The following FBXO22 variants were observed in gnomAD, a reference collection of about 807,000 sequenced individuals.
FBXO22 encodes the protein F-box protein 22.
In FBXO22, 13 loss-of-function variants were observed where a neutral mutation model predicts 37.2. The observed-to-expected ratio is 0.35, with a 90% CI of 0.23 to 0.56. The LOEUF (loss-of-function observed/expected upper bound fraction) is 0.56. FBXO22 is among the 20% of genes least tolerant of loss of function. FBXO22 has a pLI of 0.87. For synonymous variants in FBXO22, 189 were observed against 189.1 expected (o/e 1.00, Z 0.00); for missense variants, 446 against 509.9 (o/e 0.87, Z 1.21).
intron 4 of FBXO22, among the ~76,000 whole-genome samples, chr15:75,915,899 C>CA (rs1177802395): frequency 1.1e-3 from 117 of 109,270 alleles, no homozygotes; most frequent in East Asian, 1.1e-3. Context: ...GACTCTGTCT[C>CA]AAAAAAAAAA....
chr15:75,921,172 A>T (rs554682449), intron 5 of FBXO22, among the ~76,000 whole-genome samples: 3 of 152,336 alleles, frequency 2.0e-5, no homozygotes, highest in Admixed American at 6.5e-5. Context: ...ATATCTAAAC[A>T]TTAAAAAGGT....
rs1163715800 is a variant in FBXO22, at chr15:75,938,200, A to G, written c.*5098A>G. The G allele has an allele frequency of 6.6e-6, 1 of 152,230 alleles. No homozygotes were observed. Among genetic ancestry groups the G allele is most frequent in the Admixed American group, 6.5e-5 (1 of 15,282 alleles). 9.4% of individuals were successfully genotyped at this position (152,230 alleles called of 1,614,324 possible). A position where few individuals can be genotyped will look rare whatever the true frequency, so the allele number is the denominator to read the frequency against. On this transcript the variant is annotated 3_prime_UTR_variant, in exon 7 of 7. Transcript: ENST00000308275. Reference sequence around the variant, plus strand: ...TGAACGTGACATAAAAGGAAGAGAGACTTCAGTGATCACACACAGAAGGAA... The same window carrying G: ...TGAACGTGACATAAAAGGAAGAGAGGCTTCAGTGATCACACACAGAAGGAA...
At position 75,932,947 on chromosome 15, in the gene FBXO22, C is replaced by G; in HGVS notation, c.1057C>G (p.Pro353Ala). The G allele has an allele frequency of 6.2e-7, 1 of 1,614,170 alleles. No individual in the cohort carries two copies. The highest frequency in any genetic ancestry group is 8.5e-7 in the Non-Finnish European group (1 of 1,180,028). Residue 353 changes from proline (P) to alanine (A), a missense_variant, in exon 7 of 7, where the codon CCC (proline) becomes GCC (alanine). Coordinates refer to ENST00000308275, the MANE Select transcript of FBXO22 (RefSeq NM_147188.3). Reference sequence around the variant, plus strand: ...ATTTAGAAAGTTTTTTCCTAGTGTTCCCTTATTCGGCTTCTTTGGAAATGG... The same window carrying G: ...ATTTAGAAAGTTTTTTCCTAGTGTTGCCTTATTCGGCTTCTTTGGAAATGG... ...DAFRKFFPSV[P>A]LFGFFGNGEI...
rs1009554406 is a variant in FBXO22 at position 75,939,271 on chromosome 15, C to G, written c.*6169C>G. The G allele has an allele frequency of 6.6e-6, 1 of 151,914 alleles. No homozygotes were observed. Among genetic ancestry groups the G allele is most frequent in the Non-Finnish European group, 1.5e-5 (1 of 67,950 alleles). 9.4% of individuals were successfully genotyped at this position (151,914 alleles called of 1,614,324 possible). A position where few individuals can be genotyped will look rare whatever the true frequency, so the allele number is the denominator to read the frequency against. On this transcript the variant is annotated 3_prime_UTR_variant, in exon 7 of 7. Transcript: ENST00000308275. ...GAAAATGGGAACAGCACTCTAGATT[C>G]TAGAAAAATGAAAAGGGTTATAGAA...
Position 75,930,657 on chromosome 15 carries a change from G to C in FBXO22, c.794+608G>C, listed in dbSNP as rs139127277. Reference sequence around the variant, plus strand: ...CAAAGATAAAAATATTTGCTCTTCTGTCTTGGGAGCCATTACTTCCTTTCC... The same window carrying C: ...CAAAGATAAAAATATTTGCTCTTCTCTCTTGGGAGCCATTACTTCCTTTCC... On this transcript the variant is annotated intron_variant, in intron 6 of 6. Coordinates refer to ENST00000308275, the MANE Select transcript of FBXO22 (RefSeq NM_147188.3). 3.7e-4 allele frequency: 364 copies of C among 985,390 alleles called. 3 individuals carry two copies. In the African/African-American group the frequency reaches 5.8e-3, roughly 16 times the overall value. 61.0% of individuals were successfully genotyped at this position (985,390 alleles called of 1,614,324 possible).
At position 75,904,077 on chromosome 15, in the gene FBXO22, C is replaced by A; in HGVS notation, c.114C>A (p.Pro38=). 2 of 1,548,826 alleles carry A rather than the reference C, an allele frequency of 1.3e-6. No individual in the cohort carries two copies. The highest frequency in any genetic ancestry group is 1.7e-6 in the Non-Finnish European group (2 of 1,144,872). ...TGGAGCGTGTGCTCACCTTCCTGCC[C>A]GCCAAGGCGTTGCTGCGGGTGGCCT... ...EVVERVLTFL[P]AKALLRVACV... is the part of the protein sequence containing the mutation. The change falls in exon 1 of 7, where the codon CCC becomes CCA. Residue 38 remains proline, a synonymous_variant. Coordinates refer to ENST00000308275, the MANE Select transcript of FBXO22 (RefSeq NM_147188.3).
chr15:75,904,228 C>T (rs895398062), intron 1 of FBXO22, 125 bp downstream of exon 1: 2 of 1,320,266 alleles, frequency 1.5e-6, no homozygotes, highest in African/African-American at 3.0e-5. Context: ...GCTCGCCCTA[C>T]CTGAGGTGAC....
rs767105229 is a variant in FBXO22, at chr15:75,917,309, A to C, written c.543A>C (p.Gln181His). Reference sequence around the variant, plus strand: ...CTGGTTTTGCTTTATTATTCCCTCAAATTGAAGGAATAAAAATACAACCCT... The same window carrying C: ...CTGGTTTTGCTTTATTATTCCCTCACATTGAAGGAATAAAAATACAACCCT... Reference protein sequence around the residue: ...GESGFALLFPQIEGIKIQPFH... With the variant: ...GESGFALLFPHIEGIKIQPFH... Residue 181 changes from glutamine (Q) to histidine (H), a missense_variant, in exon 5 of 7, where the codon CAA (glutamine) becomes CAC (histidine). Physicochemically the swap from Gln to His is conservative, Grantham distance 24 (BLOSUM62 0). Around this residue, in one of 2 missense-constraint regions of FBXO22, gnomAD observed 315 missense variants for 410.1 expected, o/e 0.77. Coordinates refer to ENST00000308275, the MANE Select transcript of FBXO22 (RefSeq NM_147188.3). The C allele has an allele frequency of 6.8e-6, 11 of 1,610,680 alleles. No individual in the cohort carries two copies. In the South Asian group the frequency reaches 1.2e-4, roughly 18 times the overall value.
intron 5 of FBXO22, among the ~76,000 whole-genome samples, chr15:75,921,428 C>T (rs1900320418): frequency 1.3e-5 from 2 of 152,186 alleles, no homozygotes; most frequent in East Asian, 1.9e-4. Flanking sequence ...TTGGGAGGTC[C>T]GAGGTAGGTG....
chr15:75,914,001 C>G, intron 3 of FBXO22, 109 bp from the exon 4 acceptor site: 8 of 727,194 alleles, frequency 1.1e-5, no homozygotes, highest in Non-Finnish European at 1.8e-5. Context: ...TTAGAGCATT[C>G]TCGTGTTAAA....
At chr15:75,932,512 A>G (rs147206411) in intron 6 of FBXO22, among the ~76,000 whole-genome samples, 173 bp from the exon 7 acceptor site, 1 of 152,204 alleles carries the variant, frequency 6.6e-6, no homozygotes, top group Non-Finnish European at 1.5e-5. Flanking sequence ...TGCATTTTTT[A>G]TGTATTAATT....
intron 5 of FBXO22, among the ~76,000 whole-genome samples, chr15:75,926,280 G>A (rs1900438718): frequency 6.6e-6 from 1 of 152,112 alleles, no homozygotes; most frequent in Admixed American, 6.5e-5. Flanking sequence ...AGGAAAACTT[G>A]GCATTGCTCC....
chr15:75,907,401 T>C (rs1452633441), intron 2 of FBXO22, among the ~76,000 whole-genome samples: 2 of 152,268 alleles, frequency 1.3e-5, no homozygotes, highest in Admixed American at 1.3e-4. Flanking sequence ...TATTCTTTTA[T>C]TAGTATCATT....
At position 75,917,515 on chromosome 15, in the gene FBXO22, T is replaced by C; in HGVS notation, c.628+121T>C. ...GGAGAATCTGAATTAAGTACACCTG[T>C]CACTGGAGATGTGGCTAATTCAAAC... On this transcript the variant is annotated intron_variant, in intron 5 of 6. Transcript: ENST00000308275. The C allele has an allele frequency of 5.0e-5, 33 of 658,988 alleles. No homozygotes were observed. In the South Asian group the frequency reaches 7.0e-4, roughly 14 times the overall value. 40.8% of individuals were successfully genotyped at this position (658,988 alleles called of 1,614,324 possible). A position where few individuals can be genotyped will look rare whatever the true frequency, so the allele number is the denominator to read the frequency against.
At position 75,940,193 on chromosome 15, in the gene FBXO22, C is replaced by A. The variant is rs2030796709; in HGVS notation, c.*7091C>A. 1 of 150,570 alleles carries A rather than the reference C, an allele frequency of 6.6e-6. No individual in the cohort carries two copies. Among genetic ancestry groups the A allele is most frequent in the Non-Finnish European group, 1.5e-5 (1 of 67,744 alleles). The allele number at this position is 150,570 out of a possible 1,614,324, so 9.3% of individuals were successfully genotyped here. A position where few individuals can be genotyped will look rare whatever the true frequency, so the allele number is the denominator to read the frequency against. On this transcript the variant is annotated 3_prime_UTR_variant, in exon 7 of 7. Coordinates refer to ENST00000308275, the MANE Select transcript of FBXO22 (RefSeq NM_147188.3). ...CAAAAGTCAGTTGCATTCCTATACA[C>A]TAACAATGAACAACCTGAGAAGGAA...
intron 4 of FBXO22, among the ~76,000 whole-genome samples, chr15:75,915,976 CAGGAGAA>C (rs1463502986): frequency 1.5e-5 from 2 of 137,774 alleles, no homozygotes; most frequent in Non-Finnish European, 3.0e-5. Flanking sequence ...GAGGCTGAGG[CAGGAGAA>C]TTGCTGGAAA....
In FBXO22 at chr15:75,903,999, C is replaced by G; in HGVS notation, c.36C>G (p.Gly12=). The G allele has an allele frequency of 6.3e-7, 1 of 1,578,958 alleles. No homozygotes were observed. Among genetic ancestry groups the G allele is most frequent in the Non-Finnish European group, 8.6e-7 (1 of 1,161,816 alleles). The part of the protein sequence containing the change: ...EPVGCCGECR[G]SSVDPRSTFV... ...TAGGCTGCTGCGGCGAGTGCCGCGGCTCCTCCGTAGACCCGCGGAGCACCT... is the reference window on the plus strand; with the variant it reads ...TAGGCTGCTGCGGCGAGTGCCGCGGGTCCTCCGTAGACCCGCGGAGCACCT... The change falls in exon 1 of 7, where the codon GGC becomes GGG. Residue 12 remains glycine (G), a synonymous_variant. Transcript: ENST00000308275.
intron 5 of FBXO22, among the ~76,000 whole-genome samples, chr15:75,922,020 G>C (rs1351007711): frequency 6.6e-6 from 1 of 151,906 alleles, no homozygotes; most frequent in African/African-American, 2.4e-5. Context: ...AGTAGGAGGG[G>C]TAACCTCTAA....
chr15:75,917,143 TAGCTTAA>T, intron 4 of FBXO22, 80 bp from the exon 5 acceptor site: 3 of 944,330 alleles, frequency 3.2e-6, no homozygotes, highest in Non-Finnish European at 4.8e-6. Flanking sequence ...AGTGGCTTGT[TAGCTTAA>T]TGATTATCTT....
Sources: gnomAD v4.1 joint callset for allele counts (sites outside exome capture counted in the v4.1 genomes callset) on GRCh38, gnomAD v4.1.1 for gene constraint, gnomAD v4.1.1 regional missense constraint, MANE v1.5 for transcripts, NCBI Gene and HGNC (gene_info 2026-07-23, HGNC 2026-07-21) for gene names.